Variants in CFAP69 observed in about 807,000 individuals in gnomAD.
CFAP69 encodes the protein cilia and flagella associated protein 69, also known as cilia- and flagella-associated protein 69.
In CFAP69, 92 loss-of-function variants were observed where a neutral mutation model predicts 123.0. The observed-to-expected ratio is 0.75, with a 90% confidence interval of 0.63 to 0.89. The LOEUF is 0.89. CFAP69 is among the 40% of genes least tolerant of loss of function. The pLI, the probability that CFAP69 is intolerant of heterozygous loss-of-function variation, is 0.00. For missense variants in CFAP69, 1,067 were observed against 1,096.9 expected, an observed-to-expected ratio of 0.97 and a Z score of 0.39; for synonymous variants, 380 against 364.3, an observed-to-expected ratio of 1.04 and a Z score of -0.49.
rs752151778 is a variant in CFAP69, at chr7:90,286,400, G to A, written c.1656+1G>A. On this transcript the variant is annotated splice_donor_variant, in intron 14 of 22. Coordinates refer to ENST00000389297, the MANE Select transcript of CFAP69 (RefSeq NM_001039706.3). LOFTEE classifies it high-confidence loss of function. Reference sequence around the variant, plus strand: ...TTGTGAGAATCACATTCAAAGGAAGGTATGTATGCCTGTGAAAGTTTTGTT... The same window carrying A: ...TTGTGAGAATCACATTCAAAGGAAGATATGTATGCCTGTGAAAGTTTTGTT... 1 of 1,610,578 alleles carries A rather than the reference G, an allele frequency of 6.2e-7. No individual in the cohort carries two copies. The highest frequency in any genetic ancestry group is 2.2e-5 in the East Asian group (1 of 44,658).
In CFAP69 at chr7:90,271,539, G is replaced by A. The variant is rs138300755; in HGVS notation, c.546G>A (p.Ala182=). 2,395 of 1,611,198 alleles carry A rather than the reference G, an allele frequency of 1.5e-3. 26 individuals carry two copies. In the African/African-American group the frequency reaches 0.021, roughly 14 times the overall value. Residue 182 remains alanine (A), a synonymous_variant, in exon 7 of 23, where the codon GCG becomes GCA. Coordinates refer to ENST00000389297, the MANE Select transcript of CFAP69 (RefSeq NM_001039706.3). ...AATTGTTGTTAGGTTACCAGCAAGCGAGTTCATCATACAAGATTCAAATGG... is the reference window on the plus strand; with the variant it reads ...AATTGTTGTTAGGTTACCAGCAAGCAAGTTCATCATACAAGATTCAAATGG... The part of the protein sequence containing the change: ...PKKHIPGYQQ[A]SSSYKIQMAE...
At chr7:90,322,484 C>T in the CFAP69 span, 2 of 152,238 alleles carry the variant, frequency 1.3e-5, no homozygotes, top group African/African-American at 4.8e-5. Flanking sequence ...TCCAATGTGA[C>T]TTAACCTTGG....
intron 17 of CFAP69, 72 bp from the exon 18 acceptor site, chr7:90,303,897 C>A: frequency 7.0e-7 from 1 of 1,418,566 alleles, no homozygotes; most frequent in South Asian, 1.5e-5. Context: ...AGACTAAAAT[C>A]TCAAAATTAA....
intron 17 of CFAP69, chr7:90,302,202 T>C (rs959378466): frequency 1.3e-5 from 2 of 152,164 alleles, no homozygotes; most frequent in Non-Finnish European, 2.9e-5. Context: ...TTTAAGTTCA[T>C]TATAGATGCT....
intron 4 of CFAP69, among the ~76,000 whole-genome samples, chr7:90,264,104 A>AAAAAT (rs1554354285): frequency 2.7e-4 from 13 of 48,884 alleles, no homozygotes; most frequent in African/African-American, 5.1e-4. Context: ...AAAAAAAAAA[A>AAAAAT]ATATATATAT....
chr7:90,246,539 T>C (rs1043632462), intron 1 of CFAP69, among the ~76,000 whole-genome samples: 5 of 152,208 alleles, frequency 3.3e-5, no homozygotes, highest in Non-Finnish European at 7.3e-5. Flanking sequence ...ATTTACGCAG[T>C]AACCTGCGGA....
intron 4 of CFAP69, among the ~76,000 whole-genome samples, chr7:90,264,851 T>A (rs1156951817): frequency 6.6e-6 from 1 of 152,120 alleles, no homozygotes; most frequent in Non-Finnish European, 1.5e-5. Context: ...TGGAGTGCAG[T>A]GGCGCAATCT....
intron 13 of CFAP69, 34 bp downstream of exon 13, chr7:90,283,090 A>G (rs1450208362): frequency 1.1e-5 from 16 of 1,420,692 alleles, no homozygotes; most frequent in African/African-American, 1.5e-5. Flanking sequence ...CTGATGAAAG[A>G]GGAATATTTT....
intron 16 of CFAP69, 92 bp from the exon 17 acceptor site, chr7:90,299,775 T>G (rs955990786): frequency 9.6e-7 from 1 of 1,043,142 alleles, no homozygotes. Context: ...AGAAACTTAA[T>G]GATAATAGAA....
chr7:90,312,315 G>A (rs1166247824), downstream of CFAP69, among the ~76,000 whole-genome samples: 2 of 152,122 alleles, frequency 1.3e-5, no homozygotes, highest in African/African-American at 4.8e-5. Context: ...AAAATGGTGA[G>A]GCATAAATAC....
chr7:90,248,514 A>G (rs1796589054), intron 1 of CFAP69, among the ~76,000 whole-genome samples: 1 of 152,232 alleles, frequency 6.6e-6, no homozygotes, highest in Non-Finnish European at 1.5e-5. Context: ...TCTAACTTTA[A>G]TAACTTTGAA....
the CFAP69 span, chr7:90,319,052 T>C: frequency 8.5e-6 from 2 of 235,716 alleles, no homozygotes; most frequent in Non-Finnish European, 1.6e-5. Flanking sequence ...ACAAATGTAA[T>C]ATGAATAATT....
At chr7:90,314,237 CT>C (rs1197023731), downstream of CFAP69, among the ~76,000 whole-genome samples, 2 of 152,134 alleles carry the variant, frequency 1.3e-5, no homozygotes, top group Admixed American at 1.3e-4. Context: ...GGAAAAACTA[CT>C]GAAATCTGAA....
chr7:90,259,730 C>G (rs1798076295), intron 3 of CFAP69, among the ~76,000 whole-genome samples: 1 of 152,098 alleles, frequency 6.6e-6, no homozygotes, highest in Admixed American at 6.6e-5. Context: ...AAACAATCCT[C>G]TCGCCTCGGC....
chr7:90,319,878 C>A, the CFAP69 span: 2 of 396,878 alleles, frequency 5.0e-6, no homozygotes, highest in Non-Finnish European at 8.9e-6. Context: ...ACTAGGTATT[C>A]ATTTTTTCTA....
At chr7:90,323,513 A>C in the CFAP69 span, among the ~76,000 whole-genome samples, 1 of 152,188 alleles carries the variant, frequency 6.6e-6, no homozygotes, top group Admixed American at 6.5e-5. Context: ...ATGTATGGTA[A>C]AATTTCTCAG....
At chr7:90,307,900 C>T (rs1793843757) in intron 21 of CFAP69, 46 bp downstream of exon 21, 1 of 1,217,606 alleles carries the variant, frequency 8.2e-7, no homozygotes, top group African/African-American at 1.6e-5. Flanking sequence ...ATAGCCAACT[C>T]TTACAGACAG....
At chr7:90,289,069 G>A (rs1790719102) in intron 15 of CFAP69, among the ~76,000 whole-genome samples, 1 of 151,462 alleles carries the variant, frequency 6.6e-6, no homozygotes, top group African/African-American at 2.4e-5. Context: ...TAAACATTTT[G>A]TTAAAAACTG....
chr7:90,275,711 C>T (rs946308406), intron 9 of CFAP69, among the ~76,000 whole-genome samples: 1 of 143,042 alleles, frequency 7.0e-6, no homozygotes, highest in African/African-American at 2.6e-5. Flanking sequence ...GCGCCATTCT[C>T]CTGCCTCAGT....
Sources: gnomAD v4.1 joint callset for allele counts (sites outside exome capture counted in the v4.1 genomes callset) on GRCh38, gnomAD v4.1.1 for gene constraint, MANE v1.5 for transcripts, NCBI Gene and HGNC (gene_info 2026-07-23, HGNC 2026-07-21) for gene names.